Variants in CHMP2B observed in about 807,000 individuals in gnomAD.
CHMP2B encodes VPS2 homolog B.
Under a neutral mutation model 29.8 loss-of-function variants are expected in CHMP2B, and 22 were observed. The ratio of observed to expected loss-of-function variants is 0.74; its 90% confidence interval spans 0.53 to 1.05. The LOEUF is 1.05. CHMP2B is among the 50% of genes least tolerant of loss of function. The pLI is 0.00. For missense variants in CHMP2B, 261 were observed against 252.2 expected, an observed-to-expected ratio of 1.03 and a Z score of -0.24; for synonymous variants, 78 against 75.8, an observed-to-expected ratio of 1.03 and a Z score of -0.15.
chr3:87,242,533 G>A (rs971641276), intron 2 of CHMP2B, among the ~76,000 whole-genome samples: 3 of 152,018 alleles, frequency 2.0e-5, no homozygotes, highest in Non-Finnish European at 4.4e-5. Flanking sequence ...TACTAGCCAC[G>A]AGTGCCTAAC....
chr3:87,253,299 G>A, intron 4 of CHMP2B, 105 bp from the exon 5 acceptor site: 1 of 727,550 alleles, frequency 1.4e-6, no homozygotes, highest in Non-Finnish European at 2.5e-6. Flanking sequence ...CACTGAGTTT[G>A]CCTTCTGTAA....
intron 1 of CHMP2B, among the ~76,000 whole-genome samples, chr3:87,238,376 T>G (rs1457231851): frequency 6.6e-6 from 1 of 152,132 alleles, no homozygotes; most frequent in Non-Finnish European, 1.5e-5. Flanking sequence ...CAGTTCACAA[T>G]GGTGTGTTAC....
chr3:87,250,563 T>C (rs1706296838), intron 4 of CHMP2B, among the ~76,000 whole-genome samples: 1 of 151,930 alleles, frequency 6.6e-6, no homozygotes, highest in African/African-American at 2.4e-5. Context: ...TGTACAATTA[T>C]GAATATCTTG....
intron 2 of CHMP2B, among the ~76,000 whole-genome samples, chr3:87,241,282 TAAA>T (rs1192539173): frequency 6.6e-6 from 1 of 152,224 alleles, no homozygotes. Context: ...CTCAAATCTT[TAAA>T]AAATATCTTT....
intron 4 of CHMP2B, 113 bp downstream of exon 4, chr3:87,250,090 T>A (rs1209046471): frequency 7.9e-6 from 5 of 629,374 alleles, no homozygotes; most frequent in Non-Finnish European, 1.4e-5. Context: ...AAACCAAAGA[T>A]GATAGGCTCA....
intron 1 of CHMP2B, among the ~76,000 whole-genome samples, chr3:87,236,975 A>C (rs955304144): frequency 3.3e-5 from 5 of 152,178 alleles, no homozygotes; most frequent in African/African-American, 1.2e-4. Context: ...TTTATTATTT[A>C]AGTTTAAAAA....
chr3:87,238,181 TA>T (rs906234829), intron 1 of CHMP2B, among the ~76,000 whole-genome samples: 11 of 152,194 alleles, frequency 7.2e-5, no homozygotes, highest in African/African-American at 2.7e-4. Flanking sequence ...ATAATTATCC[TA>T]AAAAAGATAA....
rs1392415500 is a variant in CHMP2B at position 87,254,611 on chromosome 3, G to A, written c.*789G>A. The A allele has an allele frequency of 6.6e-6, 1 of 151,652 alleles. No individual in the cohort carries two copies. Among genetic ancestry groups the A allele is most frequent in the African/African-American group, 2.4e-5 (1 of 41,252 alleles). 9.4% of individuals were successfully genotyped at this position (151,652 alleles called of 1,614,324 possible). ...CTGTTAAAACAGACCAGGTTTTCCT[G>A]GTCTCAGACCTATGATGACTTGTCC... is the stretch of plus-strand genomic sequence containing the variant. On this transcript the variant is annotated 3_prime_UTR_variant, in exon 6 of 6. Transcript: ENST00000263780.
intron 1 of CHMP2B, among the ~76,000 whole-genome samples, chr3:87,234,432 C>A (rs1227595809): frequency 6.6e-6 from 1 of 152,116 alleles, no homozygotes; most frequent in African/African-American, 2.4e-5. Context: ...CTGTGTATTT[C>A]CTTCAGTAAG....
chr3:87,237,118 GTTCATGATTCCT>G (rs1706030672), intron 1 of CHMP2B, among the ~76,000 whole-genome samples: 1 of 152,136 alleles, frequency 6.6e-6, no homozygotes, highest in Admixed American at 6.5e-5. Context: ...GGATGAAGAG[GTTCATGATTCCT>G]TTGAAAGACA....
chr3:87,227,367 C>A lies in CHMP2B; in HGVS notation c.-156C>A, dbSNP rs1705826328. 1.3e-6 allele frequency: 1 copy of A among 748,860 alleles called. No individual in the cohort carries two copies. Among genetic ancestry groups the A allele is most frequent in the Non-Finnish European group, 2.3e-6 (1 of 426,566 alleles). The allele number at this position is 748,860 out of a possible 1,614,324, so 46.4% of individuals were successfully genotyped here. On this transcript the variant is annotated 5_prime_UTR_variant, in exon 1 of 6. Transcript: ENST00000263780. ...CGGCTGCGGTAGCTGCGGATACAAG[C>A]CTTCCGCGGGTCCTGCCTGGCGACC...
chr3:87,232,504 CAT>C (rs2106892513), intron 1 of CHMP2B, among the ~76,000 whole-genome samples: 1 of 152,226 alleles, frequency 6.6e-6, no homozygotes, highest in South Asian at 2.1e-4. Context: ...ACATTCTTGA[CAT>C]ACCAAAGAAA....
At chr3:87,247,467 AGT>A (rs1031775623) in intron 3 of CHMP2B, among the ~76,000 whole-genome samples, 11 of 152,192 alleles carry the variant, frequency 7.2e-5, no homozygotes, top group Admixed American at 4.6e-4. Context: ...AAAGCACAAA[AGT>A]GAGAAAAATG....
chr3:87,232,874 A>G (rs777726059), intron 1 of CHMP2B, among the ~76,000 whole-genome samples: 2 of 152,212 alleles, frequency 1.3e-5, no homozygotes, highest in Non-Finnish European at 2.9e-5. Context: ...ACATGTGCCC[A>G]TCTCAAAACC....
intron 3 of CHMP2B, among the ~76,000 whole-genome samples, chr3:87,246,963 G>C (rs376550713): frequency 1.4e-4 from 21 of 152,256 alleles, no homozygotes; most frequent in African/African-American, 5.1e-4. Flanking sequence ...ATAAGACAAA[G>C]GTTTTAAGAA....
chr3:87,229,788 C>A (rs557018538), intron 1 of CHMP2B, among the ~76,000 whole-genome samples: 3 of 152,138 alleles, frequency 2.0e-5, no homozygotes, highest in South Asian at 4.1e-4. Flanking sequence ...ATAATTGAAT[C>A]TTTTTTCCTG....
chr3:87,231,942 G>A lies in CHMP2B; in HGVS notation c.34+4386G>A, dbSNP rs543526075. Among the ~76,000 whole-genome samples the A allele has an allele frequency of 5.9e-5, 9 of 152,208 alleles. No homozygotes were observed. In the South Asian group the frequency reaches 1.2e-3, roughly 21 times the overall value. On this transcript the variant is annotated intron_variant, in intron 1 of 5. Coordinates refer to ENST00000263780, the MANE Select transcript of CHMP2B (RefSeq NM_014043.4). ...TTCAAAGTTGGATAATGCTTATTCT[G>A]TCTCTTCTACATTCCATATTTGTAA...
At chr3:87,252,741 C>T (rs755818315) in intron 4 of CHMP2B, among the ~76,000 whole-genome samples, 21 of 151,830 alleles carry the variant, frequency 1.4e-4, no homozygotes, top group Non-Finnish European at 2.8e-4. Flanking sequence ...GCCCAAGATT[C>T]AAAGATAAAA....
At chr3:87,236,779 T>C (rs192089989) in intron 1 of CHMP2B, among the ~76,000 whole-genome samples, 2 of 152,194 alleles carry the variant, frequency 1.3e-5, no homozygotes, top group East Asian at 3.9e-4. Context: ...GGAGAATCGC[T>C]TGAACCTGGG....
Sources: allele counts gnomAD v4.1 joint callset (sites outside exome capture counted in the v4.1 genomes callset), GRCh38; gene constraint gnomAD v4.1.1; transcripts MANE v1.5; gene names NCBI Gene and HGNC (gene_info 2026-07-23, HGNC 2026-07-21).